ABCC12: variants seen among roughly 807,000 people sequenced by gnomAD.
ABCC12 encodes ATP-binding cassette sub-family C member 12.
A neutral mutation model predicts 151.1 loss-of-function variants in ABCC12; 142 were observed. The observed-to-expected ratio is 0.94, with a 90% CI of 0.82 to 1.08. The LOEUF is 1.08. Among genes scored for constraint, ABCC12 ranks in the 50% least tolerant of loss-of-function variants. The pLI is 0.00. For synonymous variants in ABCC12, 645 were observed against 646.4 expected (o/e 1.00, Z 0.03); for missense variants, 1,638 against 1,691.1 (o/e 0.97, Z 0.55).
chr16:48,133,761 T>G lies in ABCC12; in HGVS notation c.1054A>C (p.Ile352Leu). Reference sequence around the variant, plus strand: ...AGCACGATGGCTATGGTGGACACGATGGGGGCCAGGGCAGAGTTTCCACTT... The same window carrying G: ...AGCACGATGGCTATGGTGGACACGAGGGGGGCCAGGGCAGAGTTTCCACTT... ...VQSGNSALAPIVSTIAIVLTL... is the reference protein window; with the variant it reads ...VQSGNSALAPLVSTIAIVLTL... The change falls in exon 9 of 31, where the codon ATC (isoleucine) becomes CTC (leucine). Residue 352 changes from isoleucine (I) to leucine (L), a missense_variant. Physicochemically the swap from Ile to Leu is conservative, Grantham distance 5. Transcript: ENST00000311303. 1.2e-6 allele frequency: 2 copies of G among 1,614,092 alleles called. No homozygotes were observed. Among genetic ancestry groups the G allele is most frequent in the Non-Finnish European group, 1.7e-6 (2 of 1,180,018 alleles).
rs1962557026 is a variant in ABCC12, at chr16:48,085,592, C to T, written c.3828+1G>A. 1.9e-6 allele frequency: 3 copies of T among 1,613,504 alleles called. No homozygotes were observed. The highest frequency in any genetic ancestry group is 2.2e-5 in the East Asian group (1 of 44,892). On this transcript the variant is annotated splice_donor_variant, in intron 29 of 30. Coordinates refer to ENST00000311303, the MANE Select transcript of ABCC12 (RefSeq NM_001393797.1). LOFTEE classifies it high-confidence loss of function. ...CCAATCCATTTTCCGTGTTTTCTTA[C>T]CTTTGAATTACGGAGAAGAGCTCGG... is the stretch of plus-strand genomic sequence containing the variant.
In ABCC12 at chr16:48,085,518, G is replaced by A. The variant is rs960224242; in HGVS notation, c.3828+75C>T. On this transcript the variant is annotated intron_variant, in intron 29 of 30. Transcript: ENST00000311303. The stretch of plus-strand genomic sequence containing the variant: ...CTCTTTGCTGAAAGACATACACGTG[G>A]CTCTGCCTCCTGGATTGAGTGGCGC... 4.0e-6 allele frequency: 5 copies of A among 1,256,532 alleles called. No homozygotes were observed. In the Admixed American group the frequency reaches 5.1e-5, roughly 13 times the overall value. 77.8% of individuals were successfully genotyped at this position (1,256,532 alleles called of 1,614,324 possible).
intron 13 of ABCC12, among the ~76,000 whole-genome samples, chr16:48,118,296 C>G (rs1305997958): frequency 6.6e-6 from 1 of 152,206 alleles, no homozygotes; most frequent in Non-Finnish European, 1.5e-5. Flanking sequence ...TCGGTTTTCT[C>G]TGCAACTCAA....
At chr16:48,089,854 A>G (rs567227420) in intron 25 of ABCC12, among the ~76,000 whole-genome samples, 14 of 152,354 alleles carry the variant, frequency 9.2e-5, no homozygotes, top group African/African-American at 3.4e-4. Context: ...TGATTTAAAC[A>G]CGATTTTAAG....
intron 25 of ABCC12, among the ~76,000 whole-genome samples, chr16:48,090,642 TCAA>T (rs1330368019): frequency 6.6e-6 from 1 of 152,162 alleles, no homozygotes; most frequent in African/African-American, 2.4e-5. Context: ...AACCTCACAT[TCAA>T]CAACAAGAAC....
At chr16:48,094,252 TAA>T (rs999887212) in intron 24 of ABCC12, among the ~76,000 whole-genome samples, 21 of 152,210 alleles carry the variant, frequency 1.4e-4, no homozygotes, top group African/African-American at 4.3e-4. Flanking sequence ...TTTCCCCACT[TAA>T]GAGAGAGTAC....
At chr16:48,084,146 T>A in intron 29 of ABCC12, 73 bp from the exon 30 acceptor site, 5 of 1,413,764 alleles carry the variant, frequency 3.5e-6, no homozygotes, top group South Asian at 1.4e-5. Context: ...CTATTTACTT[T>A]AAAAAAAAGA....
chr16:48,105,288 C>G lies in ABCC12; in HGVS notation c.2524G>C (p.Val842Leu). Reference protein sequence around the residue: ...GNRTMCEVGAVLADIGQHVYQ... With the variant: ...GNRTMCEVGALLADIGQHVYQ... ...ACATGCTGACCGATGTCTGCCAGCA[C>G]CGCGCCGACCTCACACATGGTCCTG... The change falls in exon 21 of 31, where the codon GTG becomes CTG. Residue 842 changes from valine (V) to leucine (L), a missense_variant. Physicochemically the swap from Val to Leu is conservative, Grantham distance 32. Coordinates refer to ENST00000311303, the MANE Select transcript of ABCC12 (RefSeq NM_001393797.1). 1 of 1,613,664 alleles carries G rather than the reference C, an allele frequency of 6.2e-7. No homozygotes were observed. The highest frequency in any genetic ancestry group is 8.5e-7 in the Non-Finnish European group (1 of 1,179,954).
In ABCC12 at chr16:48,130,785, T is replaced by C. The variant is rs755512669; in HGVS notation, c.1236+3A>G. The C allele has an allele frequency of 9.4e-6, 15 of 1,602,222 alleles. No individual in the cohort carries two copies. The highest frequency in any genetic ancestry group is 1.2e-5 in the Non-Finnish European group (14 of 1,169,326). ...TTCCCTACTCACCCAGGGTTAGTTA[T>C]ACCTTCATTCTCCTTAGAGAGACAT... is the stretch of plus-strand genomic sequence containing the variant. On this transcript the variant is annotated splice_donor_region_variant and intron_variant, in intron 10 of 30. Coordinates refer to ENST00000311303, the MANE Select transcript of ABCC12 (RefSeq NM_001393797.1).
chr16:48,123,612 C>T (rs1964142886), intron 12 of ABCC12, among the ~76,000 whole-genome samples: 1 of 152,108 alleles, frequency 6.6e-6, no homozygotes, highest in South Asian at 2.1e-4. Context: ...TTTTTTTCCA[C>T]AAAGCTTCTC....
intron 24 of ABCC12, among the ~76,000 whole-genome samples, chr16:48,094,460 G>A (rs1446052235): frequency 1.1e-4 from 16 of 152,172 alleles, no homozygotes; most frequent in Non-Finnish European, 1.9e-4. Flanking sequence ...AGAGTTTAAA[G>A]AGCAGAACCC....
chr16:48,116,873 G>T (rs779853249), intron 14 of ABCC12, among the ~76,000 whole-genome samples: 3 of 152,142 alleles, frequency 2.0e-5, no homozygotes, highest in Non-Finnish European at 4.4e-5. Context: ...CACCCCAGGG[G>T]GCAATGTTTA....
intron 11 of ABCC12, among the ~76,000 whole-genome samples, chr16:48,127,615 C>G (rs961595737): frequency 2.6e-5 from 4 of 152,190 alleles, no homozygotes; most frequent in African/African-American, 9.7e-5. Flanking sequence ...ATTTAACCCT[C>G]TTGTGCCTTA....
chr16:48,119,367 T>C (rs1963994137), intron 13 of ABCC12, among the ~76,000 whole-genome samples: 1 of 152,206 alleles, frequency 6.6e-6, no homozygotes, highest in African/African-American at 2.4e-5. Flanking sequence ...ACCTGAGCCA[T>C]CTCTTTCCCC....
intron 24 of ABCC12, among the ~76,000 whole-genome samples, chr16:48,095,238 A>C (rs1219961217): frequency 2.0e-5 from 3 of 152,092 alleles, no homozygotes; most frequent in Non-Finnish European, 4.4e-5. Context: ...AGAGCTGATG[A>C]TTTTATGAGG....
At chr16:48,113,264 C>T (rs1963762029) in intron 15 of ABCC12, among the ~76,000 whole-genome samples, 2 of 152,166 alleles carry the variant, frequency 1.3e-5, no homozygotes, top group African/African-American at 4.8e-5. Flanking sequence ...ACAGCTCCAG[C>T]CCTCATGCCT....
intron 2 of ABCC12, 74 bp from the exon 3 acceptor site, chr16:48,146,548 C>T (rs1442737465): frequency 6.7e-6 from 5 of 750,386 alleles, no homozygotes; most frequent in South Asian, 5.0e-5. Flanking sequence ...TCTACTTTAC[C>T]CAGATCAGTT....
At chr16:48,121,520 A>T in intron 13 of ABCC12, 196 bp downstream of exon 13, 1 of 595,408 alleles carries the variant, frequency 1.7e-6, no homozygotes, top group Non-Finnish European at 2.9e-6. Flanking sequence ...GTGCAGTCGC[A>T]GGTCTGCAGA....
In ABCC12 at chr16:48,105,633, C is replaced by T. The variant is rs77248808; in HGVS notation, c.2476-297G>A. On this transcript the variant is annotated intron_variant, in intron 20 of 30. Coordinates refer to ENST00000311303, the MANE Select transcript of ABCC12 (RefSeq NM_001393797.1). ...GCAGACATCCCCGAAGCTCACTGCA[C>T]CTCGGGAGACCAGAAGCAATGCTGG... Among the ~76,000 whole-genome samples the T allele has an allele frequency of 8.1e-3, 1,237 of 152,266 alleles. 18 individuals carry two copies. Among genetic ancestry groups the T allele is most frequent in the African/African-American group, 0.029 (1,196 of 41,534 alleles).
Sources: gnomAD v4.1 joint callset for allele counts (sites outside exome capture counted in the v4.1 genomes callset) on GRCh38, gnomAD v4.1.1 for gene constraint, MANE v1.5 for transcripts, NCBI Gene and HGNC (gene_info 2026-07-23, HGNC 2026-07-21) for gene names.